Variants in CERT1 observed in about 807,000 individuals in gnomAD.
CERT1 encodes ceramide transporter 1.
A neutral mutation model predicts 87.9 loss-of-function variants in CERT1; 31 were observed. The observed-to-expected ratio is 0.35, with a 90% confidence interval of 0.27 to 0.48. CERT1 has a LOEUF of 0.48. CERT1 is among the 20% of genes least tolerant of loss of function. The pLI is 0.99. For missense variants in CERT1, 487 were observed against 758.0 expected, an observed-to-expected ratio of 0.64 and a Z score of 4.20; for synonymous variants, 289 against 250.9, an observed-to-expected ratio of 1.15 and a Z score of -1.44.
At chr5:75,415,264 T>C (rs1160921511) in intron 7 of CERT1, among the ~76,000 whole-genome samples, 1 of 152,224 alleles carries the variant, frequency 6.6e-6, no homozygotes, top group African/African-American at 2.4e-5. Context: ...TGGAAAAGGT[T>C]AATAAAATTT....
intron 5 of CERT1, among the ~76,000 whole-genome samples, chr5:75,421,526 T>C (rs1297491556): frequency 6.6e-6 from 1 of 152,234 alleles, no homozygotes; most frequent in East Asian, 1.9e-4. Flanking sequence ...CAGACTTCAA[T>C]ATGAGCATAT....
intron 2 of CERT1, among the ~76,000 whole-genome samples, chr5:75,461,001 A>G (rs1184601669): frequency 1.3e-5 from 2 of 152,244 alleles, no homozygotes; most frequent in Non-Finnish European, 2.9e-5. Context: ...GAAAGACATA[A>G]GCGATAACGT....
chr5:75,484,858 T>C (rs1314139932), intron 2 of CERT1, among the ~76,000 whole-genome samples: 2 of 152,098 alleles, frequency 1.3e-5, no homozygotes, highest in African/African-American at 4.8e-5. Context: ...ATCTATACTA[T>C]AGACCAAATG....
chr5:75,450,332 T>A (rs181190773), intron 3 of CERT1, among the ~76,000 whole-genome samples: 6 of 152,236 alleles, frequency 3.9e-5, no homozygotes, highest in African/African-American at 9.6e-5. Context: ...GCATTAACAT[T>A]AAAACAGAGA....
intron 5 of CERT1, 22 bp downstream of exon 5, chr5:75,425,339 T>C (rs1230514756): frequency 2.5e-6 from 4 of 1,600,636 alleles, no homozygotes; most frequent in African/African-American, 2.7e-5. Context: ...CAAGTAAAAA[T>C]AGTGGTAATA....
At chr5:75,457,972 TG>T (rs1195533420) in intron 3 of CERT1, among the ~76,000 whole-genome samples, 7 of 150,708 alleles carry the variant, frequency 4.6e-5, no homozygotes, top group African/African-American at 1.2e-4. Context: ...TGTGTGTGTG[TG>T]TGTGTGTGGT....
chr5:75,374,376 A>C, downstream of CERT1: 1 of 539,238 alleles, frequency 1.9e-6, no homozygotes, highest in African/African-American at 1.9e-5. Context: ...AACTTATTCC[A>C]TCAGCAAGGA....
intron 3 of CERT1, among the ~76,000 whole-genome samples, chr5:75,458,099 T>C (rs1227425928): frequency 6.6e-6 from 1 of 152,152 alleles, no homozygotes; most frequent in Non-Finnish European, 1.5e-5. Flanking sequence ...AAAACTTCTC[T>C]TAAGTCATAC....
chr5:75,407,851 G>T (rs1473517128), intron 8 of CERT1, among the ~76,000 whole-genome samples: 2 of 141,868 alleles, frequency 1.4e-5, no homozygotes, highest in Non-Finnish European at 3.0e-5. Context: ...AATAATGAAG[G>T]AATTCTTTTT....
At chr5:75,414,079 C>T (rs897789409) in intron 7 of CERT1, among the ~76,000 whole-genome samples, 3 of 152,068 alleles carry the variant, frequency 2.0e-5, no homozygotes, top group African/African-American at 7.2e-5. Context: ...GAATAAACTA[C>T]TATTAAATAT....
intron 7 of CERT1, among the ~76,000 whole-genome samples, chr5:75,415,873 A>C (rs571550106): frequency 6.6e-6 from 1 of 152,198 alleles, no homozygotes; most frequent in South Asian, 2.1e-4. Context: ...GAATGATAAT[A>C]AATTTTCTAT....
At chr5:75,384,805 T>C (rs1761720630) in intron 13 of CERT1, 93 bp from the exon 14 acceptor site, 2 of 792,764 alleles carry the variant, frequency 2.5e-6, no homozygotes, top group Non-Finnish European at 4.2e-6. Context: ...ATGGACAGTA[T>C]GGTAAATTGA....
chr5:75,374,419 A>C (rs972891345), downstream of CERT1: 1 of 554,880 alleles, frequency 1.8e-6, no homozygotes, highest in African/African-American at 1.9e-5. Flanking sequence ...CAAAAGTTAG[A>C]AAAAAAAACG....
At chr5:75,381,329 C>A in intron 15 of CERT1, 128 bp from the exon 16 acceptor site, 1 of 1,035,012 alleles carries the variant, frequency 9.7e-7, no homozygotes, top group Non-Finnish European at 1.4e-6. Context: ...TTATAAGCAC[C>A]AAGCTGATAT....
At chr5:75,425,019 G>A (rs990614492) in intron 5 of CERT1, among the ~76,000 whole-genome samples, 8 of 152,140 alleles carry the variant, frequency 5.3e-5, no homozygotes, top group Admixed American at 5.2e-4. Context: ...CTGGGTGGCT[G>A]AGATGGGAGA....
At chr5:75,418,578 C>T (rs560698965) in intron 6 of CERT1, among the ~76,000 whole-genome samples, 2 of 152,206 alleles carry the variant, frequency 1.3e-5, no homozygotes, top group South Asian at 4.1e-4. Context: ...AAAACTGTAA[C>T]CGACCCAAAT....
intron 3 of CERT1, among the ~76,000 whole-genome samples, chr5:75,444,615 C>T (rs545569908): frequency 1.2e-4 from 18 of 145,430 alleles, no homozygotes; most frequent in Non-Finnish European, 6.0e-5. Context: ...GGTGCAATCT[C>T]GGCTCACTGC....
chr5:75,483,429 TATAA>T (rs915635631), intron 2 of CERT1, among the ~76,000 whole-genome samples: 78 of 152,136 alleles, frequency 5.1e-4, no homozygotes, highest in African/African-American at 1.7e-3. Context: ...GGCCTTAAAG[TATAA>T]ATAGAGAGTG....
At chr5:75,394,335 C>A (rs1483223781) in intron 11 of CERT1, among the ~76,000 whole-genome samples, 2 of 151,442 alleles carry the variant, frequency 1.3e-5, no homozygotes, top group African/African-American at 4.9e-5. Context: ...CAGTGAGACC[C>A]CCATATCTAC....
Sources: allele counts gnomAD v4.1 joint callset (sites outside exome capture counted in the v4.1 genomes callset), GRCh38; gene constraint gnomAD v4.1.1; transcripts MANE v1.5; gene names NCBI Gene and HGNC (gene_info 2026-07-23, HGNC 2026-07-21).